The following PEX11A variants were observed in gnomAD, a reference collection of about 807,000 sequenced individuals.
The protein encoded by PEX11A is peroxisomal membrane protein 11A.
PEX11A carries 13 observed loss-of-function variants against 14.4 expected under a neutral mutation model. The ratio of observed to expected loss-of-function variants is 0.90; its 90% confidence interval spans 0.59 to 1.43. The LOEUF is 1.43. PEX11A is among the 40% of genes most tolerant of loss of function. PEX11A has a pLI of 0.00. For synonymous variants in PEX11A, 101 were observed against 113.0 expected (o/e 0.89, Z 0.67); for missense variants, 290 against 302.8 (o/e 0.96, Z 0.31).
chr15:89,688,090 C>T (rs1047914910), intron 1 of PEX11A: 6 of 533,160 alleles, frequency 1.1e-5, no homozygotes, highest in East Asian at 5.2e-5. Context: ...TCTGGAAAAT[C>T]GGCTTAGTCT....
chr15:89,688,042 A>G, intron 1 of PEX11A: 1 of 537,940 alleles, frequency 1.9e-6, no homozygotes, highest in South Asian at 1.4e-5. Flanking sequence ...CAACACACTC[A>G]AGCTTTAGCA....
chr15:89,687,203 A>G (rs1182909274), intron 1 of PEX11A, among the ~76,000 whole-genome samples: 4 of 152,148 alleles, frequency 2.6e-5, no homozygotes, highest in African/African-American at 9.7e-5. Context: ...GATTGCAGGC[A>G]TAAGCTACTG....
intron 1 of PEX11A, 99 bp downstream of exon 1, chr15:89,690,478 C>G: frequency 1.2e-6 from 1 of 838,632 alleles, no homozygotes; most frequent in Middle Eastern, 2.3e-4. Context: ...CTGCTTCCAT[C>G]TACTAGGCTA....
intron 1 of PEX11A, among the ~76,000 whole-genome samples, chr15:89,690,110 C>G (rs1381369156): frequency 6.6e-6 from 1 of 151,968 alleles, no homozygotes; most frequent in Admixed American, 6.6e-5. Context: ...GGCGACAGAG[C>G]GAGACTCCGT....
At chr15:89,684,206 C>T (rs1174507966) in intron 2 of PEX11A, among the ~76,000 whole-genome samples, 1 of 152,148 alleles carries the variant, frequency 6.6e-6, no homozygotes, top group African/African-American at 2.4e-5. Context: ...CAGCTTAGCA[C>T]TGGTCTTTTT....
chr15:89,686,865 A>G (rs1237456107), intron 1 of PEX11A, among the ~76,000 whole-genome samples: 3 of 152,008 alleles, frequency 2.0e-5, no homozygotes, highest in Non-Finnish European at 4.4e-5. Context: ...AATCTCCCTC[A>G]TGTTAAGTCT....
intron 2 of PEX11A, among the ~76,000 whole-genome samples, chr15:89,684,923 C>T (rs1030031082): frequency 6.6e-6 from 1 of 152,166 alleles, no homozygotes; most frequent in Admixed American, 6.5e-5. Context: ...GGCGCGGTGG[C>T]TTACGCCTGT....
rs1056173089 is a variant in PEX11A, at chr15:89,682,304, T to C, written c.*1073A>G. 6.6e-6 allele frequency: 1 copy of C among 152,012 alleles called. No individual in the cohort carries two copies. Among genetic ancestry groups the C allele is most frequent in the Non-Finnish European group, 1.5e-5 (1 of 68,066 alleles). The allele number at this position is 152,012 out of a possible 1,614,324, so 9.4% of individuals were successfully genotyped here. Reference sequence around the variant, plus strand: ...TCCTCCTGCTTCAGCCTCCAGAGTATCTGGGACTACAGGCATACTCCACCA... The same window carrying C: ...TCCTCCTGCTTCAGCCTCCAGAGTACCTGGGACTACAGGCATACTCCACCA... On this transcript the variant is annotated 3_prime_UTR_variant, in exon 3 of 3. Transcript: ENST00000300056.
intron 2 of PEX11A, among the ~76,000 whole-genome samples, chr15:89,685,987 A>G (rs527738782): frequency 3.8e-4 from 58 of 152,310 alleles, no homozygotes; most frequent in Non-Finnish European, 7.1e-4. Flanking sequence ...CCTACCTCAA[A>G]CATGGTCTAC....
intron 1 of PEX11A, among the ~76,000 whole-genome samples, chr15:89,689,609 G>C (rs1964762854): frequency 1.3e-5 from 2 of 152,178 alleles, no homozygotes; most frequent in African/African-American, 4.8e-5. Flanking sequence ...AAAAGAAAAA[G>C]AGACACAATC....
At chr15:89,685,005 C>G (rs1257604517) in intron 2 of PEX11A, among the ~76,000 whole-genome samples, 2 of 151,826 alleles carry the variant, frequency 1.3e-5, no homozygotes, top group African/African-American at 4.8e-5. Context: ...GCCTGGCCAA[C>G]GTGGTGAAAC....
At position 89,683,744 on chromosome 15, in the gene PEX11A, T is replaced by C; in HGVS notation, c.377A>G (p.His126Arg). The change falls in exon 3 of 3, where the codon CAC becomes CGC. Residue 126 changes from histidine (H) to arginine (R), a missense_variant. By Grantham distance (29) the His-to-Arg change is conservative. Transcript: ENST00000300056. ...KEKWRTRAAH[H>R]YYYSLLLSLV... ...GCTCAGCAGAAGAGAATAGTAGTAG[T>C]GGTGAGCAGCCCTCGTTCGCCATTT... 6.2e-7 allele frequency: 1 copy of C among 1,614,090 alleles called. No individual in the cohort carries two copies. Among genetic ancestry groups the C allele is most frequent in the Non-Finnish European group, 8.5e-7 (1 of 1,179,980 alleles).
intron 2 of PEX11A, among the ~76,000 whole-genome samples, chr15:89,685,203 C>CAAAAAAA (rs869275308): frequency 8.2e-5 from 2 of 24,518 alleles, no homozygotes; most frequent in African/African-American, 1.8e-4. Context: ...GACTCCATCT[C>CAAAAAAA]AAAAAAAAAA....
At position 89,684,949 on chromosome 15, in the gene PEX11A, G is replaced by A. The variant is rs1964655174; in HGVS notation, c.173-1001C>T. 2.6e-5 allele frequency among the ~76,000 whole-genome samples: 4 copies of A among 152,134 alleles called. No individual in the cohort carries two copies. The South Asian group carries it at 8.3e-4, about 31-fold the overall frequency. ...TTACGCCTGTAATCCCAGCACTTTG[G>A]GAGGCCAAGGTGCACGGATCACCTG... On this transcript the variant is annotated intron_variant, in intron 2 of 2. Transcript: ENST00000300056.
intron 1 of PEX11A, among the ~76,000 whole-genome samples, chr15:89,686,994 C>T (rs1964687523): frequency 6.6e-6 from 1 of 151,820 alleles, no homozygotes; most frequent in Non-Finnish European, 1.5e-5. Context: ...GTGATCTTGG[C>T]TCCACTGCAA....
chr15:89,689,957 C>G (rs1022565258), intron 1 of PEX11A, among the ~76,000 whole-genome samples: 7 of 152,074 alleles, frequency 4.6e-5, no homozygotes, highest in Admixed American at 6.6e-5. Flanking sequence ...ATGGCGAAAC[C>G]CCCGTCTCTA....
intron 1 of PEX11A, 103 bp downstream of exon 1, chr15:89,690,474 C>T: frequency 1.3e-6 from 1 of 791,438 alleles, no homozygotes; most frequent in South Asian, 1.7e-5. Context: ...CTTCCTGCTT[C>T]CATCTACTAG....
At chr15:89,685,696 T>C (rs2141550209) in intron 2 of PEX11A, among the ~76,000 whole-genome samples, 1 of 152,054 alleles carries the variant, frequency 6.6e-6, no homozygotes, top group Admixed American at 6.6e-5. Flanking sequence ...TGGCACTAAA[T>C]CTTATATATC....
chr15:89,684,197 A>G (rs1174664987), intron 2 of PEX11A, among the ~76,000 whole-genome samples: 1 of 152,196 alleles, frequency 6.6e-6, no homozygotes, highest in Non-Finnish European at 1.5e-5. Context: ...CAGTGTGCCC[A>G]GCTTAGCACT....
Sources: allele counts gnomAD v4.1 joint callset (sites outside exome capture counted in the v4.1 genomes callset), GRCh38; gene constraint gnomAD v4.1.1; transcripts MANE v1.5; gene names NCBI Gene and HGNC (gene_info 2026-07-23, HGNC 2026-07-21).